Variants in DCC observed in about 807,000 individuals in gnomAD.
DCC encodes netrin receptor DCC.
Under a neutral mutation model 172.5 loss-of-function variants are expected in DCC, and 58 were observed. The ratio of observed to expected loss-of-function variants is 0.34; its 90% confidence interval spans 0.27 to 0.42. The LOEUF is 0.42. Among genes scored for constraint, DCC ranks in the 10% least tolerant of loss-of-function variants. The pLI, the probability that DCC is intolerant of heterozygous loss-of-function variation, is 1.00. For missense variants in DCC, 1,740 were observed against 1,791.0 expected, an observed-to-expected ratio of 0.97 and a Z score of 0.51; for synonymous variants, 709 against 644.5, an observed-to-expected ratio of 1.10 and a Z score of -1.52.
At chr18:52,843,283 G>C (rs189609603) in intron 2 of DCC, among the ~76,000 whole-genome samples, 3 of 152,028 alleles carry the variant, frequency 2.0e-5, no homozygotes, top group African/African-American at 7.3e-5. Context: ...TAGCTTTAAG[G>C]GTATATGAAT....
intron 11 of DCC, among the ~76,000 whole-genome samples, chr18:53,208,240 A>G (rs1311023477): frequency 6.6e-6 from 1 of 151,456 alleles, no homozygotes; most frequent in Non-Finnish European, 1.5e-5. Flanking sequence ...GTTCTACTGC[A>G]CTCCAGCCTG....
intron 1 of DCC, among the ~76,000 whole-genome samples, chr18:52,657,442 T>C (rs944507084): frequency 5.9e-5 from 9 of 152,180 alleles, no homozygotes; most frequent in African/African-American, 2.2e-4. Flanking sequence ...GGTCAAGGTT[T>C]CCTAAGTGCA....
intron 12 of DCC, among the ~76,000 whole-genome samples, chr18:53,250,478 C>A (rs1440277592): frequency 6.6e-6 from 1 of 151,824 alleles, no homozygotes; most frequent in East Asian, 1.9e-4. Context: ...TTTACTATAC[C>A]TAGGGTCCCT....
intron 26 of DCC, 99 bp from the exon 27 acceptor site, chr18:53,499,199 A>G: frequency 8.3e-7 from 1 of 1,199,124 alleles, no homozygotes; most frequent in Non-Finnish European, 1.2e-6. Flanking sequence ...ACCACATCCT[A>G]TCACATCTCT....
At chr18:52,517,405 C>A (rs763999833) in intron 1 of DCC, among the ~76,000 whole-genome samples, 19 of 152,166 alleles carry the variant, frequency 1.2e-4, no homozygotes, top group Non-Finnish European at 2.1e-4. Flanking sequence ...AGAAAGCCAG[C>A]AAGGTGCTGC....
intron 5 of DCC, among the ~76,000 whole-genome samples, chr18:53,025,970 A>G (rs1472921648): frequency 6.6e-6 from 1 of 152,048 alleles, no homozygotes; most frequent in African/African-American, 2.4e-5. Flanking sequence ...GATTTTCATA[A>G]TTAGAATAAT....
At chr18:52,844,190 C>A (rs918847399) in intron 2 of DCC, among the ~76,000 whole-genome samples, 3 of 152,170 alleles carry the variant, frequency 2.0e-5, no homozygotes, top group African/African-American at 7.2e-5. Context: ...ATAACATCCT[C>A]ACCTCCATAT....
chr18:52,433,276 T>C (rs1399275869), intron 1 of DCC, among the ~76,000 whole-genome samples: 2 of 152,188 alleles, frequency 1.3e-5, no homozygotes, highest in African/African-American at 4.8e-5. Context: ...TTCAAAATCA[T>C]GTTTGAATTT....
Position 52,864,606 on chromosome 18 carries a change from C to T in DCC, c.413-41438C>T, listed in dbSNP as rs530212298. Among the ~76,000 whole-genome samples, 3 of 152,028 alleles carry T rather than the reference C, an allele frequency of 2.0e-5. No individual in the cohort carries two copies. In the South Asian group the frequency reaches 6.3e-4, roughly 32 times the overall value. On this transcript the variant is annotated intron_variant, in intron 2 of 28. Coordinates refer to ENST00000442544, the MANE Select transcript of DCC (RefSeq NM_005215.4). ...CACGTTACATAGGTATACATAGGTG[C>T]CATGGTGGTTTGCTGAACCCATCAA...
In DCC at chr18:52,474,206, TAGAGAGAG is replaced by T. The variant is rs61277582; in HGVS notation, c.91+133358_91+133365del. 3.4e-3 allele frequency among the ~76,000 whole-genome samples: 343 copies of T among 100,620 alleles called. 5 individuals are homozygous for T. The highest frequency in any genetic ancestry group is 9.9e-3 in the African/African-American group (241 of 24,242). 66.0% of individuals were successfully genotyped at this position (100,620 alleles called of 152,430 possible). On this transcript the variant is annotated intron_variant, in intron 1 of 28. Coordinates refer to ENST00000442544, the MANE Select transcript of DCC (RefSeq NM_005215.4). ...TTTCCATACATAATTGTAACAGACC[TAGAGAGAG>T]AGAGAGAGAGAGAGAGAGAGAGAGA... is the stretch of plus-strand genomic sequence containing the variant.
chr18:53,370,291 T>C (rs1373434417), intron 15 of DCC, among the ~76,000 whole-genome samples: 11 of 151,912 alleles, frequency 7.2e-5, no homozygotes, highest in African/African-American at 2.6e-4. Flanking sequence ...AAATCAGGAA[T>C]GGTATCCCCA....
At chr18:52,493,071 T>G (rs2030584345) in intron 1 of DCC, among the ~76,000 whole-genome samples, 1 of 152,036 alleles carries the variant, frequency 6.6e-6, no homozygotes, top group Non-Finnish European at 1.5e-5. Context: ...ATGTGTCAGA[T>G]TAGAAGATAA....
chr18:53,258,394 A>T (rs183049647), intron 12 of DCC, among the ~76,000 whole-genome samples: 2 of 151,680 alleles, frequency 1.3e-5, no homozygotes, highest in Non-Finnish European at 2.9e-5. Context: ...TGTGTCCCTG[A>T]GATTCTGATA....
chr18:53,304,239 G>T (rs2057173825), intron 12 of DCC, among the ~76,000 whole-genome samples: 1 of 152,068 alleles, frequency 6.6e-6, no homozygotes, highest in Non-Finnish European at 1.5e-5. Context: ...TAGGGCTGTG[G>T]GTTTCCAGGC....
chr18:53,295,200 C>T (rs928056953), intron 12 of DCC, among the ~76,000 whole-genome samples: 5 of 152,132 alleles, frequency 3.3e-5, no homozygotes, highest in South Asian at 2.1e-4. Flanking sequence ...CATGAAATTA[C>T]GGATCTCAAC....
At chr18:53,173,585 T>A (rs1054250463) in intron 8 of DCC, among the ~76,000 whole-genome samples, 2 of 151,950 alleles carry the variant, frequency 1.3e-5, no homozygotes, top group African/African-American at 4.8e-5. Context: ...ACAAAGAAGG[T>A]CATTACATAA....
chr18:52,977,727 T>A (rs570729776), intron 5 of DCC, among the ~76,000 whole-genome samples: 1 of 151,372 alleles, frequency 6.6e-6, no homozygotes, highest in South Asian at 2.1e-4. Context: ...CTACTAAAAA[T>A]ACAAAAAATT....
chr18:53,405,951 G>C (rs1909628211), intron 19 of DCC, among the ~76,000 whole-genome samples: 1 of 152,038 alleles, frequency 6.6e-6, no homozygotes, highest in Non-Finnish European at 1.5e-5. Flanking sequence ...GTATTCTACT[G>C]GTCTAAATCA....
intron 1 of DCC, among the ~76,000 whole-genome samples, chr18:52,432,468 TA>T (rs1987656666): frequency 6.6e-6 from 1 of 152,294 alleles, no homozygotes; most frequent in East Asian, 1.9e-4. Context: ...AATTTTTGCC[TA>T]AGCACCCTCT....
Sources: allele counts gnomAD v4.1 joint callset (sites outside exome capture counted in the v4.1 genomes callset), GRCh38; gene constraint gnomAD v4.1.1; transcripts MANE v1.5; gene names NCBI Gene and HGNC (gene_info 2026-07-23, HGNC 2026-07-21).